NOVA1: variants seen among roughly 807,000 people sequenced by gnomAD.
NOVA1 encodes the protein RNA-binding protein Nova-1.
A neutral mutation model predicts 38.0 loss-of-function variants in NOVA1; 7 were observed. That is an observed-to-expected ratio of 0.18 (90% CI 0.10 to 0.35). The LOEUF is 0.35. NOVA1 is among the 10% of genes least tolerant of loss of function. The pLI, the probability that NOVA1 is intolerant of heterozygous loss-of-function variation, is 1.00. For missense variants in NOVA1, 460 were observed against 616.0 expected (o/e 0.75, Z 2.68); for synonymous variants, 270 against 232.5 (o/e 1.16, Z -1.47).
At chr14:26,583,264 A>AT (rs1335928906) in intron 2 of NOVA1, among the ~76,000 whole-genome samples, 3 of 151,680 alleles carry the variant, frequency 2.0e-5, no homozygotes, top group Non-Finnish European at 4.4e-5. Flanking sequence ...TTTTTCTCAA[A>AT]AAGAATTGAA....
intron 2 of NOVA1, among the ~76,000 whole-genome samples, chr14:26,517,615 T>C (rs1488020275): frequency 6.6e-6 from 1 of 152,202 alleles, no homozygotes; most frequent in Non-Finnish European, 1.5e-5. Context: ...AAATGGACTA[T>C]GTACTTTAAG....
chr14:26,471,830 G>A (rs1884611060), intron 4 of NOVA1: 1 of 155,736 alleles, frequency 6.4e-6, no homozygotes, highest in Middle Eastern at 3.3e-3. Flanking sequence ...GTTTCTTTTA[G>A]ATTGCTAGAA....
chr14:26,552,048 A>T (rs1346542066), intron 2 of NOVA1, among the ~76,000 whole-genome samples: 2 of 152,058 alleles, frequency 1.3e-5, no homozygotes, highest in Non-Finnish European at 2.9e-5. Context: ...AATACATATA[A>T]ATTAATAGCA....
intron 2 of NOVA1, among the ~76,000 whole-genome samples, chr14:26,512,334 G>A (rs2035759527): frequency 6.6e-6 from 1 of 152,106 alleles, no homozygotes; most frequent in South Asian, 2.1e-4. Context: ...AACTACAAAG[G>A]AGTAAGTAAA....
chr14:26,569,470 T>C (rs17111393), intron 2 of NOVA1, among the ~76,000 whole-genome samples: 5,135 of 152,300 alleles, frequency 0.034, 219 homozygotes, highest in African/African-American at 0.098. Flanking sequence ...ATTAAATATT[T>C]CTTGGCAACA....
At chr14:26,499,229 C>T (rs536777577) in intron 2 of NOVA1, among the ~76,000 whole-genome samples, 1 of 152,122 alleles carries the variant, frequency 6.6e-6, no homozygotes, top group South Asian at 2.1e-4. Flanking sequence ...TTAATTTGCT[C>T]TATTATAGTA....
At chr14:26,453,208 G>GTATGTATGTATT (rs796387130) in intron 4 of NOVA1, among the ~76,000 whole-genome samples, 16 of 125,460 alleles carry the variant, frequency 1.3e-4, no homozygotes, top group African/African-American at 4.0e-4. Flanking sequence ...ATGTATGTAT[G>GTATGTATGTATT]TATTTATTTA....
intron 2 of NOVA1, among the ~76,000 whole-genome samples, chr14:26,525,090 T>A (rs1889203491): frequency 6.6e-6 from 1 of 152,144 alleles, no homozygotes; most frequent in Non-Finnish European, 1.5e-5. Context: ...GAGTAAAACA[T>A]TCAAATTCTG....
At chr14:26,502,514 G>T (rs1319460297) in intron 2 of NOVA1, among the ~76,000 whole-genome samples, 2 of 150,770 alleles carry the variant, frequency 1.3e-5, no homozygotes, top group African/African-American at 4.9e-5. Flanking sequence ...ATTTTAAAGA[G>T]AAGGCAGATA....
At chr14:26,533,637 G>A (rs968013203) in intron 2 of NOVA1, among the ~76,000 whole-genome samples, 2 of 151,996 alleles carry the variant, frequency 1.3e-5, no homozygotes, top group African/African-American at 4.8e-5. Flanking sequence ...GTATTCATGA[G>A]GAAATCGTTA....
At chr14:26,522,404 A>G (rs1315715778) in intron 2 of NOVA1, among the ~76,000 whole-genome samples, 1 of 152,120 alleles carries the variant, frequency 6.6e-6, no homozygotes, top group African/African-American at 2.4e-5. Context: ...AGACAACAGG[A>G]AGTGTAACCT....
intron 4 of NOVA1, among the ~76,000 whole-genome samples, chr14:26,464,088 C>T (rs1883922245): frequency 6.6e-6 from 1 of 152,102 alleles, no homozygotes; most frequent in Non-Finnish European, 1.5e-5. Flanking sequence ...GATTGGAAGC[C>T]AGGTATTATG....
intron 2 of NOVA1, among the ~76,000 whole-genome samples, chr14:26,516,688 G>A (rs1017739655): frequency 6.6e-6 from 1 of 152,040 alleles, no homozygotes; most frequent in African/African-American, 2.4e-5. Flanking sequence ...TTTGTATTTA[G>A]GCTCTATTGA....
intron 2 of NOVA1, among the ~76,000 whole-genome samples, chr14:26,573,840 T>C (rs995217873): frequency 6.6e-6 from 1 of 152,048 alleles, no homozygotes; most frequent in African/African-American, 2.4e-5. Flanking sequence ...CTGGCTCAAC[T>C]GAAAAGATAT....
chr14:26,534,780 G>A (rs375164855), intron 2 of NOVA1, among the ~76,000 whole-genome samples: 2 of 152,020 alleles, frequency 1.3e-5, no homozygotes, highest in Non-Finnish European at 1.5e-5. Flanking sequence ...ATCTGAGTGA[G>A]CCCTAAATAT....
At chr14:26,535,785 G>A (rs1010549525) in intron 2 of NOVA1, among the ~76,000 whole-genome samples, 1 of 151,450 alleles carries the variant, frequency 6.6e-6, no homozygotes, top group Non-Finnish European at 1.5e-5. Context: ...GTGAAAACCC[G>A]TCTCTACTAA....
intron 2 of NOVA1, among the ~76,000 whole-genome samples, chr14:26,557,528 A>ATTTTTTT (rs375431107): frequency 2.1e-5 from 3 of 141,084 alleles, no homozygotes; most frequent in Non-Finnish European, 1.5e-5. Flanking sequence ...TGACTGGCTA[A>ATTTTTTT]TTTTTTTTTT....
At chr14:26,514,871 G>A (rs1888350162) in intron 2 of NOVA1, among the ~76,000 whole-genome samples, 1 of 151,760 alleles carries the variant, frequency 6.6e-6, no homozygotes, top group African/African-American at 2.4e-5. Flanking sequence ...TATTATATTT[G>A]TCCTTACCTT....
intron 2 of NOVA1, among the ~76,000 whole-genome samples, chr14:26,520,533 G>T (rs142327405): frequency 6.6e-6 from 1 of 152,116 alleles, no homozygotes; most frequent in Non-Finnish European, 1.5e-5. Context: ...AAATTAAGCC[G>T]TGGCACTAAT....
Sources: gnomAD v4.1 joint callset for allele counts (sites outside exome capture counted in the v4.1 genomes callset) on GRCh38, gnomAD v4.1.1 for gene constraint, MANE v1.5 for transcripts, NCBI Gene and HGNC (gene_info 2026-07-23, HGNC 2026-07-21) for gene names.